Variants in DNAH1 observed in about 807,000 individuals in gnomAD.
DNAH1 encodes dynein axonemal heavy chain 1.
A neutral mutation model predicts 484.3 loss-of-function variants in DNAH1; 327 were observed. That is an observed-to-expected ratio of 0.68 (90% CI 0.62 to 0.74). The LOEUF is 0.74. DNAH1 is among the 30% of genes least tolerant of loss of function. The pLI, the probability that DNAH1 is intolerant of heterozygous loss-of-function variation, is 0.00. For missense variants in DNAH1, 5,052 were observed against 5,546.8 expected (o/e 0.91, Z 2.83); for synonymous variants, 2,192 against 2,191.9 (o/e 1.00, Z 0.00).
chr3:52,322,460 T>G lies in DNAH1; in HGVS notation c.18T>G (p.Ser6Arg). Residue 6 changes from serine to arginine, a missense_variant, in exon 2 of 78, where the codon AGT becomes AGG. Ser to Arg is a moderately radical substitution (Grantham distance 110, BLOSUM62 -1). Transcript: ENST00000420323. ...GAAGCAGCATGGAGCAGCCTAACAGTAAAGGCTATAGCCTGGGAAGGACCC... is the reference window on the plus strand; with the variant it reads ...GAAGCAGCATGGAGCAGCCTAACAGGAAAGGCTATAGCCTGGGAAGGACCC... The part of the protein sequence containing the change: MEQPN[S>R]KGYSLGRTPQ... 1 of 1,610,556 alleles carries G rather than the reference T, an allele frequency of 6.2e-7. No homozygotes were observed. Among genetic ancestry groups the G allele is most frequent in the Non-Finnish European group, 8.5e-7 (1 of 1,178,886 alleles).
At chr3:52,359,875 CGTG>C in intron 26 of DNAH1, 38 bp from the exon 27 acceptor site, 1 of 1,608,296 alleles carries the variant, frequency 6.2e-7, no homozygotes, top group Non-Finnish European at 8.5e-7. Context: ...TGAGCCTCCT[CGTG>C]GTACCCTGAT....
chr3:52,386,638 C>T (rs924195133), intron 55 of DNAH1, 24 bp from the exon 56 acceptor site: 3 of 1,538,786 alleles, frequency 1.9e-6, no homozygotes, highest in Admixed American at 2.0e-5. Context: ...CTGAGTCTTC[C>T]CCACTTGGTG....
intron 8 of DNAH1, among the ~76,000 whole-genome samples, chr3:52,340,861 A>AT (rs1219464624): frequency 5.9e-4 from 87 of 148,698 alleles, no homozygotes; most frequent in African/African-American, 8.5e-4. Context: ...CTGGAGATAG[A>AT]TTTTTTTTTT....
At position 52,362,901 on chromosome 3, in the gene DNAH1, A is replaced by G; in HGVS notation, c.5095-94A>G. 1.3e-6 allele frequency: 2 copies of G among 1,537,860 alleles called. No homozygotes were observed. The highest frequency in any genetic ancestry group is 2.4e-5 in the South Asian group (2 of 84,872). On this transcript the variant is annotated intron_variant, in intron 31 of 77. Coordinates refer to ENST00000420323, the MANE Select transcript of DNAH1 (RefSeq NM_015512.5). The surrounding 1 kb of genome is among the most constrained non-coding windows in gnomAD (Gnocchi z 5.1). ...CTGTGGCAGGCTTGGTGCAGCAGGG[A>G]GTCCCAGCGTGTTAGGGAGGAGGGC...
chr3:52,346,447 A>AT (rs758307978), intron 10 of DNAH1, 25 bp from the exon 11 acceptor site: 1 of 1,590,436 alleles, frequency 6.3e-7, no homozygotes, highest in East Asian at 2.3e-5. Flanking sequence ...GGGTGGCCAT[A>AT]TGATGATGCC....
At chr3:52,334,325 G>A (rs1036246231) in intron 8 of DNAH1, among the ~76,000 whole-genome samples, 1 of 152,226 alleles carries the variant, frequency 6.6e-6, no homozygotes. Flanking sequence ...TACCATGAAT[G>A]GAGCCTGCAG....
At chr3:52,375,498 A>G in intron 45 of DNAH1, 85 bp downstream of exon 45, 1 of 1,495,820 alleles carries the variant, frequency 6.7e-7, no homozygotes, top group Middle Eastern at 1.8e-4. Flanking sequence ...TGGCCACCAG[A>G]AAGGGTGGAG....
chr3:52,333,353 TTTTTCTTTTCTTTTCC>T (rs987473763), intron 8 of DNAH1, among the ~76,000 whole-genome samples: 3 of 151,952 alleles, frequency 2.0e-5, no homozygotes, highest in South Asian at 2.1e-4. Flanking sequence ...ACCATTTTTC[TTTTTCTTTTCTTTTCC>T]TTTTCTTTTC....
rs775515856 is a variant in DNAH1, at chr3:52,350,532, G to A, written c.2671G>A (p.Asp891Asn). ...LEERIVKVMD[D>N]YQVMDEFLYN... ...GGAGCGGATTGTGAAGGTCATGGATGACTACCAGGTCATGGATGAATTCCT... is the reference window on the plus strand; with the variant it reads ...GGAGCGGATTGTGAAGGTCATGGATAACTACCAGGTCATGGATGAATTCCT... Residue 891 changes from aspartate to asparagine, a missense_variant, in exon 16 of 78, where the codon GAC (aspartate) becomes AAC (asparagine). Coordinates refer to ENST00000420323, the MANE Select transcript of DNAH1 (RefSeq NM_015512.5). 6.2e-7 allele frequency: 1 copy of A among 1,613,974 alleles called. No individual in the cohort carries two copies. The highest frequency in any genetic ancestry group is 8.5e-7 in the Non-Finnish European group (1 of 1,179,856).
At chr3:52,387,690 G>A (rs1482835029) in intron 56 of DNAH1, among the ~76,000 whole-genome samples, 1 of 152,184 alleles carries the variant, frequency 6.6e-6, no homozygotes, top group African/African-American at 2.4e-5. Context: ...TCTGACCCCT[G>A]GGAGCTCGTG....
At chr3:52,311,114 A>G in the DNAH1 span, among the ~76,000 whole-genome samples, 1 of 151,996 alleles carries the variant, frequency 6.6e-6, no homozygotes, top group South Asian at 2.1e-4. Context: ...CTGAGGGAGG[A>G]TGACGGAGGT....
At chr3:52,320,847 C>A (rs1701121791) in intron 1 of DNAH1, among the ~76,000 whole-genome samples, 1 of 141,366 alleles carries the variant, frequency 7.1e-6, no homozygotes, top group Non-Finnish European at 1.5e-5. Flanking sequence ...GTCGCCTAGG[C>A]TGGAATGCAG....
chr3:52,394,609 G>A lies in DNAH1; in HGVS notation c.10771G>A (p.Val3591Met), dbSNP rs755963386. 5.6e-6 allele frequency: 9 copies of A among 1,601,888 alleles called. No homozygotes were observed. The highest frequency in any genetic ancestry group is 2.7e-5 in the African/African-American group (2 of 74,792). The part of the protein sequence containing the change: ...PTFSSFSSDF[V>M]KHLSEFRVIF... ...CTTTTCCTCCTTCTCTTCCGACTTC[G>A]TGAAGCACCTCTCAGAATTCCGGGT... Residue 3591 changes from valine (V) to methionine (M), a missense_variant, in exon 67 of 78, where the codon GTG becomes ATG. Val to Met is a conservative substitution (Grantham distance 21, BLOSUM62 1). Coordinates refer to ENST00000420323, the MANE Select transcript of DNAH1 (RefSeq NM_015512.5).
chr3:52,334,829 C>T (rs1046194675), intron 8 of DNAH1, among the ~76,000 whole-genome samples: 2 of 151,574 alleles, frequency 1.3e-5, no homozygotes, highest in Non-Finnish European at 2.9e-5. Context: ...CTAACTTTAG[C>T]TTACTTTAAC....
At position 52,353,589 on chromosome 3, in the gene DNAH1, A is replaced by T. The variant is rs61734641; in HGVS notation, c.3436A>T (p.Ser1146Cys). 1.6e-4 allele frequency: 265 copies of T among 1,610,974 alleles called. No individual in the cohort carries two copies. Among genetic ancestry groups the T allele is most frequent in the Non-Finnish European group, 2.1e-4 (253 of 1,178,770 alleles). ...CCTGCAGGACCATATCGAGAGCATCAGCAAGGTGGCTGAGGTGGCTGGCAA... is the reference window on the plus strand; with the variant it reads ...CCTGCAGGACCATATCGAGAGCATCTGCAAGGTGGCTGAGGTGGCTGGCAA... ...MNLQDHIESI[S>C]KVAEVAGKEY... The change falls in exon 20 of 78, where the codon AGC becomes TGC. Residue 1146 changes from serine (S) to cysteine (C), a missense_variant. By Grantham distance (112) the Ser-to-Cys change is moderately radical. This residue lies in a region of DNAH1 where 2,929 missense variants were observed against 3,409.4 expected (regional missense o/e 0.86). Transcript: ENST00000420323. This position sits in a 1 kb window ranked among gnomAD's most constrained non-coding sequence, Gnocchi z 5.0.
chr3:52,392,108 A>C (rs1477547366), intron 63 of DNAH1, among the ~76,000 whole-genome samples: 1 of 152,222 alleles, frequency 6.6e-6, no homozygotes, highest in Non-Finnish European at 1.5e-5. Flanking sequence ...GGTCAGTGTG[A>C]ACCTCTCCAC....
rs759122445 is a variant in DNAH1, at chr3:52,375,291, C to G, written c.7037C>G (p.Pro2346Arg). 11 of 1,611,820 alleles carry G rather than the reference C, an allele frequency of 6.8e-6. No homozygotes were observed. The highest frequency in any genetic ancestry group is 5.5e-5 in the South Asian group (5 of 90,444). ...DINFVCAMGP[P>R]GGGRNTVTPR... Reference sequence around the variant, plus strand: ...AACTTTGTCTGTGCCATGGGCCCCCCGGGTGGAGGCAGGAACACCGTCACC... The same window carrying G: ...AACTTTGTCTGTGCCATGGGCCCCCGGGGTGGAGGCAGGAACACCGTCACC... The change falls in exon 45 of 78, where the codon CCG (proline) becomes CGG (arginine). Residue 2346 changes from proline (P) to arginine (R), a missense_variant. Coordinates refer to ENST00000420323, the MANE Select transcript of DNAH1 (RefSeq NM_015512.5).
Position 52,331,188 on chromosome 3 carries a change from G to T in DNAH1, c.912G>T (p.Glu304Asp). The T allele has an allele frequency of 6.2e-7, 1 of 1,605,730 alleles. No individual in the cohort carries two copies. The highest frequency in any genetic ancestry group is 8.5e-7 in the Non-Finnish European group (1 of 1,176,090). The change falls in exon 7 of 78, where the codon GAG (glutamate) becomes GAT (aspartate). Residue 304 changes from glutamate to aspartate, a missense_variant. Glu to Asp is a conservative substitution (Grantham distance 45). Around this residue, in one of 4 missense-constraint regions of DNAH1, gnomAD observed 1,263 missense variants for 1,218.8 expected, o/e 1.04. Coordinates refer to ENST00000420323, the MANE Select transcript of DNAH1 (RefSeq NM_015512.5). Reference sequence around the variant, plus strand: ...AGAAGCTGAAGTACAAATGGTGCGAGGTCGGCGTCCTGGACTACGACGAGG... The same window carrying T: ...AGAAGCTGAAGTACAAATGGTGCGATGTCGGCGTCCTGGACTACGACGAGG... ...KSQKLKYKWC[E>D]VGVLDYDEEK...
At chr3:52,343,963 G>T (rs558898169) in intron 8 of DNAH1, among the ~76,000 whole-genome samples, 1 of 152,164 alleles carries the variant, frequency 6.6e-6, no homozygotes, top group East Asian at 1.9e-4. Flanking sequence ...GCTGATTTCC[G>T]ATCTCGGAGC....
Sources: allele counts gnomAD v4.1 joint callset (sites outside exome capture counted in the v4.1 genomes callset), GRCh38; gene constraint gnomAD v4.1.1; regional missense constraint gnomAD v4.1.1; non-coding constraint Gnocchi (gnomAD v3.1); transcripts MANE v1.5; gene names NCBI Gene and HGNC (gene_info 2026-07-23, HGNC 2026-07-21).